Variants in OR1A1 observed in about 807,000 individuals in gnomAD.
OR1A1 encodes olfactory receptor family 1 subfamily A member 1, also known as olfactory receptor 1A1.
For synonymous variants in OR1A1, 145 were observed against 147.8 expected (o/e 0.98, Z 0.13); for missense variants, 391 against 379.9 (o/e 1.03, Z -0.24).
At chr17:3,210,318 C>T (rs1307942949) in intron 2 of OR1A1, among the ~76,000 whole-genome samples, 1 of 152,060 alleles carries the variant, frequency 6.6e-6, no homozygotes, top group Admixed American at 6.6e-5. Flanking sequence ...AGAAGCTAAG[C>T]AGAAAGCAGA....
chr17:3,209,338 G>T (rs34524850), intron 2 of OR1A1, among the ~76,000 whole-genome samples: 1 of 151,758 alleles, frequency 6.6e-6, no homozygotes, highest in Non-Finnish European at 1.5e-5. Flanking sequence ...CATAAATATT[G>T]CAGGCCAGGT....
In OR1A1 at chr17:3,215,632, T is replaced by C. The variant is rs1407618192; in HGVS notation, c.12T>C (p.Asn4=). 2 of 1,611,602 alleles carry C rather than the reference T, an allele frequency of 1.2e-6. No homozygotes were observed. Among genetic ancestry groups the C allele is most frequent in the Non-Finnish European group, 1.7e-6 (2 of 1,178,236 alleles). Reference sequence around the variant, plus strand: ...ATGTTAAAGAAGCCATGAGGGAAAATAACCAGTCCTCTACACTGGAATTCA... The same window carrying C: ...ATGTTAAAGAAGCCATGAGGGAAAACAACCAGTCCTCTACACTGGAATTCA... MRE[N]NQSSTLEFIL... Residue 4 remains asparagine (N), a synonymous_variant, in exon 4 of 4, where the codon AAT becomes AAC. Coordinates refer to ENST00000641732, the MANE Select transcript of OR1A1 (RefSeq NM_014565.3).
intron 3 of OR1A1, 51 bp downstream of exon 3, chr17:3,212,650 C>A (rs1182647377): frequency 1.3e-5 from 2 of 152,124 alleles, no homozygotes; most frequent in South Asian, 2.1e-4. Context: ...GAGAGAAAAT[C>A]AAACTTCTTT....
intron 2 of OR1A1, among the ~76,000 whole-genome samples, chr17:3,211,626 G>A (rs147501711): frequency 1.8e-4 from 27 of 152,202 alleles, no homozygotes; most frequent in East Asian, 1.5e-3. Flanking sequence ...GTGAGCCACC[G>A]TGCCCAGTCT....
At position 3,215,855 on chromosome 17, in the gene OR1A1, C is replaced by A. The variant is rs149529151; in HGVS notation, c.235C>A (p.Pro79Thr). Residue 79 changes from proline to threonine, a missense_variant, in exon 4 of 4, where the codon CCT (proline) becomes ACT (threonine). Pro to Thr is a conservative substitution (Grantham distance 38). Transcript: ENST00000641732. ...CATCTTCTTCTCATCGGTAACCATCCCTAAGATGCTGGCCAACCATCTCTT... is the reference window on the plus strand; with the variant it reads ...CATCTTCTTCTCATCGGTAACCATCACTAAGATGCTGGCCAACCATCTCTT... Reference protein sequence around the residue: ...VDIFFSSVTIPKMLANHLLGS... With the variant: ...VDIFFSSVTITKMLANHLLGS... The A allele has an allele frequency of 1.3e-4, 204 of 1,614,148 alleles. No homozygotes were observed. The highest frequency in any genetic ancestry group is 8.2e-4 in the Middle Eastern group (5 of 6,062).
intron 2 of OR1A1, among the ~76,000 whole-genome samples, chr17:3,212,102 C>A (rs1384832500): frequency 6.6e-6 from 1 of 151,960 alleles, no homozygotes; most frequent in Non-Finnish European, 1.5e-5. Context: ...TCTTTTTGTT[C>A]TTTTCTTTCC....
At chr17:3,211,807 A>C (rs1366003165) in intron 2 of OR1A1, among the ~76,000 whole-genome samples, 2 of 152,184 alleles carry the variant, frequency 1.3e-5, no homozygotes, top group African/African-American at 4.8e-5. Flanking sequence ...TTTGTGCTTC[A>C]CTAAAGTTTA....
rs2048465872 is a variant in OR1A1, at chr17:3,215,949, C to T, written c.329C>T (p.Thr110Ile). 1.2e-6 allele frequency: 2 copies of T among 1,614,186 alleles called. No homozygotes were observed. The highest frequency in any genetic ancestry group is 8.5e-7 in the Non-Finnish European group (1 of 1,180,034). ...TATTTCATGATAGCCTTGGGTAACA[C>T]AGACAGCTATATTTTGGCTGCAATG... is the stretch of plus-strand genomic sequence containing the variant. ...QMYFMIALGN[T>I]DSYILAAMAY... Residue 110 changes from threonine (T) to isoleucine (I), a missense_variant, in exon 4 of 4, where the codon ACA (threonine) becomes ATA (isoleucine). Thr to Ile is a moderately conservative substitution (Grantham distance 89). Coordinates refer to ENST00000641732, the MANE Select transcript of OR1A1 (RefSeq NM_014565.3).
chr17:3,208,474 TG>T (rs2048423748), intron 1 of OR1A1, 106 bp from the exon 2 acceptor site: 1 of 151,998 alleles, frequency 6.6e-6, no homozygotes, highest in African/African-American at 2.4e-5. Flanking sequence ...ACCAAAGCAC[TG>T]ATGAGCTGAA....
chr17:3,215,467 TC>T, intron 3 of OR1A1, 148 bp from the exon 4 acceptor site: 2 of 629,494 alleles, frequency 3.2e-6, no homozygotes, highest in East Asian at 2.7e-5. Context: ...CAGGGATGTT[TC>T]CCCAAAATAC....
chr17:3,208,279 G>A (rs1032893033), intron 1 of OR1A1, among the ~76,000 whole-genome samples: 2 of 152,040 alleles, frequency 1.3e-5, no homozygotes, highest in African/African-American at 4.8e-5. Flanking sequence ...ATCAGAAAAA[G>A]ATAATTCTGA....
At chr17:3,214,336 C>G (rs1046099598) in intron 3 of OR1A1, 2 of 146,148 alleles carry the variant, frequency 1.4e-5, no homozygotes, top group Middle Eastern at 3.5e-3. Flanking sequence ...TCCATCTCTA[C>G]TAAAAATACA....
At chr17:3,208,223 C>T (rs1483049125) in intron 1 of OR1A1, among the ~76,000 whole-genome samples, 2 of 151,788 alleles carry the variant, frequency 1.3e-5, no homozygotes, top group Non-Finnish European at 2.9e-5. Context: ...GAGGACCCTC[C>T]CCTTCTGATA....
At position 3,207,901 on chromosome 17, in the gene OR1A1, G is replaced by A. The variant is rs2048419261; in HGVS notation, c.-656G>A. On this transcript the variant is annotated 5_prime_UTR_variant, in exon 1 of 4. Transcript: ENST00000641732. ...GCCAGGACCCTTTTTAAAAGCATCT[G>A]AACTGACTCCACAGATAGGGACTTA... 6.6e-6 allele frequency: 1 copy of A among 152,256 alleles called. No homozygotes were observed. Among genetic ancestry groups the A allele is most frequent in the African/African-American group, 2.4e-5 (1 of 41,462 alleles). 9.4% of individuals were successfully genotyped at this position (152,256 alleles called of 1,614,324 possible). A position where few individuals can be genotyped will look rare whatever the true frequency, so the allele number is the denominator to read the frequency against.
rs2048424284 is a variant in OR1A1 at position 3,208,569 on chromosome 17, C to T, written c.-556-12C>T. The T allele has an allele frequency of 6.6e-6, 1 of 152,222 alleles. No individual in the cohort carries two copies. The highest frequency in any genetic ancestry group is 1.5e-5 in the Non-Finnish European group (1 of 68,080). The allele number at this position is 152,222 out of a possible 1,614,324, so 9.4% of individuals were successfully genotyped here. A position where few individuals can be genotyped will look rare whatever the true frequency, so the allele number is the denominator to read the frequency against. On this transcript the variant is annotated splice_polypyrimidine_tract_variant and intron_variant, in intron 1 of 3. Coordinates refer to ENST00000641732, the MANE Select transcript of OR1A1 (RefSeq NM_014565.3). Reference sequence around the variant, plus strand: ...AGATAAGGGGAAACACTTGCCTCCTCTGTCCCTGCAGAATTGTTCTCAGCA... The same window carrying T: ...AGATAAGGGGAAACACTTGCCTCCTTTGTCCCTGCAGAATTGTTCTCAGCA...
Position 3,215,711 on chromosome 17 carries a change from T to C in OR1A1, c.91T>C (p.Phe31Leu). 1 of 1,614,108 alleles carries C rather than the reference T, an allele frequency of 6.2e-7. No individual in the cohort carries two copies. The highest frequency in any genetic ancestry group is 8.5e-7 in the Non-Finnish European group (1 of 1,179,960). ...ACAGGAAGATTTCTTCTACATCCTC[T>C]TCTTGTTCATTTACCCCATCACATT... ...QEQEDFFYIL[F>L]LFIYPITLIG... Residue 31 changes from phenylalanine to leucine, a missense_variant, in exon 4 of 4, where the codon TTC (phenylalanine) becomes CTC (leucine). Phe to Leu is a conservative substitution (Grantham distance 22). Transcript: ENST00000641732.
At chr17:3,215,331 T>A (rs895296553) in intron 3 of OR1A1, 1 of 372,268 alleles carries the variant, frequency 2.7e-6, no homozygotes, top group African/African-American at 2.0e-5. Flanking sequence ...ATTTGTTATA[T>A]GATTAATTTC....
chr17:3,216,345 C>T lies in OR1A1; in HGVS notation c.725C>T (p.Ser242Phe), dbSNP rs546921641. 3.3e-5 allele frequency: 54 copies of T among 1,614,216 alleles called. No individual in the cohort carries two copies. The South Asian group carries it at 5.5e-4, about 16-fold the overall frequency. ...GVLKAFSTCGSHLTVVSLYYG... is the reference protein window; with the variant it reads ...GVLKAFSTCGFHLTVVSLYYG... ...CTCAAGGCCTTCTCCACCTGTGGTT[C>T]CCACCTCACGGTTGTCTCTTTGTAT... The change falls in exon 4 of 4, where the codon TCC (serine) becomes TTC (phenylalanine). Residue 242 changes from serine (S) to phenylalanine (F), a missense_variant. By Grantham distance (155) the Ser-to-Phe change is radical. Transcript: ENST00000641732.
chr17:3,209,416 A>C (rs1380316198), intron 2 of OR1A1, among the ~76,000 whole-genome samples: 1 of 152,164 alleles, frequency 6.6e-6, no homozygotes, highest in East Asian at 1.9e-4. Context: ...TCAGGCCAGG[A>C]GTTTTAGACC....
Sources: allele counts gnomAD v4.1 joint callset (sites outside exome capture counted in the v4.1 genomes callset), GRCh38; gene constraint gnomAD v4.1.1; transcripts MANE v1.5; gene names NCBI Gene and HGNC (gene_info 2026-07-23, HGNC 2026-07-21).